Variants in RNF19B observed in about 807,000 individuals in gnomAD.
The protein encoded by RNF19B is E3 ubiquitin-protein ligase RNF19B.
A neutral mutation model predicts 65.5 loss-of-function variants in RNF19B; 23 were observed. The ratio of observed to expected loss-of-function variants is 0.35; its 90% confidence interval spans 0.25 to 0.50. The LOEUF (loss-of-function observed/expected upper bound fraction) is 0.50, where lower values mean the gene tolerates loss of function less well. RNF19B is among the 20% of genes least tolerant of loss of function. The pLI is 0.98. For synonymous variants in RNF19B, 372 were observed against 379.6 expected (o/e 0.98, Z 0.23); for missense variants, 794 against 980.0 (o/e 0.81, Z 2.53).
At chr1:32,963,335 G>A (rs2124197311) in intron 1 of RNF19B, among the ~76,000 whole-genome samples, 1 of 152,176 alleles carries the variant, frequency 6.6e-6, no homozygotes, top group Admixed American at 6.5e-5. Flanking sequence ...CTAGCCAAGT[G>A]GACACACCCC....
At chr1:32,952,920 T>A (rs1182146001) in intron 1 of RNF19B, among the ~76,000 whole-genome samples, 6 of 148,964 alleles carry the variant, frequency 4.0e-5, no homozygotes, top group Non-Finnish European at 6.0e-5. Flanking sequence ...CTAAAAAAAA[T>A]AATAAATAAA....
In RNF19B at chr1:32,936,845, T is replaced by C. The variant is rs1303268604; in HGVS notation, c.2157A>G (p.Gln719=). Residue 719 remains glutamine, a synonymous_variant, in exon 9 of 9, where the codon CAA becomes CAG. Transcript: ENST00000235150. ...HMNLSALAEG[Q]TVLKPEGGEA... is the part of the protein sequence containing the mutation. The stretch of plus-strand genomic sequence containing the variant: ...CTCCACCTTCTGGCTTCAAGACAGT[T>C]TGTCCCTCGGCTAGGGCAGAGAGGT... 3.8e-6 allele frequency: 6 copies of C among 1,591,158 alleles called. No individual in the cohort carries two copies. The East Asian group carries it at 9.0e-5, about 24-fold the overall frequency.
At chr1:32,937,449 T>C (rs1380714840) in intron 8 of RNF19B, 190 bp from the exon 9 acceptor site, 2 of 911,598 alleles carry the variant, frequency 2.2e-6, no homozygotes, top group Non-Finnish European at 3.4e-6. Context: ...TGGTGGCTCA[T>C]GCCTATAACC....
At chr1:32,935,533 T>C (rs986594008), downstream of RNF19B, among the ~76,000 whole-genome samples, 2 of 152,172 alleles carry the variant, frequency 1.3e-5, no homozygotes, top group African/African-American at 4.8e-5. Context: ...GTTCAGAGAT[T>C]TTGAGGGCAT....
chr1:32,938,140 C>CAAAAAAAAAAAAAAAAAAAAAAAAAAAAA (rs80176999), intron 8 of RNF19B, among the ~76,000 whole-genome samples: 3 of 46,034 alleles, frequency 6.5e-5, no homozygotes, highest in African/African-American at 8.5e-5. Context: ...CCAAGAAAGA[C>CAAAAAAAAAAAAAAAAAAAAAAAAAAAAA]AAAAAAAAAA....
chr1:32,949,046 C>A (rs947550644), intron 2 of RNF19B, among the ~76,000 whole-genome samples: 4 of 152,174 alleles, frequency 2.6e-5, no homozygotes, highest in Admixed American at 2.0e-4. Context: ...GCAATAAATC[C>A]ACTGACATTT....
chr1:32,943,634 A>C (rs1642292798), intron 6 of RNF19B, among the ~76,000 whole-genome samples: 1 of 151,956 alleles, frequency 6.6e-6, no homozygotes, highest in African/African-American at 2.4e-5. Context: ...AGAAATTCCC[A>C]TTTAAATGGG....
chr1:32,955,036 C>G (rs571187929), intron 1 of RNF19B, among the ~76,000 whole-genome samples: 38 of 152,092 alleles, frequency 2.5e-4, no homozygotes, highest in Non-Finnish European at 4.1e-4. Context: ...CTAGGCAGCT[C>G]GTTGCCTACT....
chr1:32,942,305 T>C lies in RNF19B; in HGVS notation c.1557A>G (p.Ser519=). 3 of 1,614,040 alleles carry C rather than the reference T, an allele frequency of 1.9e-6. No homozygotes were observed. The highest frequency in any genetic ancestry group is 2.5e-6 in the Non-Finnish European group (3 of 1,179,874). ...GAATGCCGCCACTCAGCGTGCCCCC[T>C]GAGAGGGCTGCAAAGCTGGCCGTTT... ...YSETASFAAL[S]GGTLSGGILS... Residue 519 remains serine (S), a synonymous_variant, in exon 7 of 9, where the codon TCA becomes TCG. Coordinates refer to ENST00000235150, the MANE Select transcript of RNF19B (RefSeq NM_001300826.2).
downstream of RNF19B, among the ~76,000 whole-genome samples, chr1:32,932,958 T>C (rs1642044164): frequency 6.6e-6 from 1 of 152,220 alleles, no homozygotes; most frequent in African/African-American, 2.4e-5. Flanking sequence ...TTCTCTTCCT[T>C]GCTCCATTAA....
At chr1:32,943,851 C>T (rs893895733) in intron 6 of RNF19B, among the ~76,000 whole-genome samples, 168 bp downstream of exon 6, 3 of 152,126 alleles carry the variant, frequency 2.0e-5, no homozygotes, top group African/African-American at 7.2e-5. Flanking sequence ...GGGAATTAAC[C>T]TAATAACTTT....
At chr1:32,956,794 A>G (rs566569623) in intron 1 of RNF19B, among the ~76,000 whole-genome samples, 2 of 152,304 alleles carry the variant, frequency 1.3e-5, no homozygotes, top group African/African-American at 4.8e-5. Context: ...TTCAGTGGTT[A>G]AAGAAATGTG....
At chr1:32,963,647 G>A (rs1223935648) in intron 1 of RNF19B, among the ~76,000 whole-genome samples, 1 of 151,830 alleles carries the variant, frequency 6.6e-6, no homozygotes, top group Non-Finnish European at 1.5e-5. Context: ...GAACCTGAGA[G>A]GCGGAGGTTG....
At position 32,944,007 on chromosome 1, in the gene RNF19B, C is replaced by T. The variant is rs775493887; in HGVS notation, c.1402+12G>A. On this transcript the variant is annotated intron_variant, in intron 6 of 8. Coordinates refer to ENST00000235150, the MANE Select transcript of RNF19B (RefSeq NM_001300826.2). Reference sequence around the variant, plus strand: ...CATAAATTCAAATGGAAATAAACATCCTGCTTTTTACCTGTGATTGGACCA... The same window carrying T: ...CATAAATTCAAATGGAAATAAACATTCTGCTTTTTACCTGTGATTGGACCA... 1 of 1,593,402 alleles carries T rather than the reference C, an allele frequency of 6.3e-7. No individual in the cohort carries two copies. The highest frequency in any genetic ancestry group is 8.6e-7 in the Non-Finnish European group (1 of 1,167,026).
At chr1:32,937,333 G>A in intron 8 of RNF19B, 74 bp from the exon 9 acceptor site, 1 of 1,604,746 alleles carries the variant, frequency 6.2e-7, no homozygotes, top group Non-Finnish European at 8.5e-7. Context: ...CAGTTCATGG[G>A]TTCAGGATTA....
At chr1:32,950,554 T>TC (rs1491105296) in intron 1 of RNF19B, among the ~76,000 whole-genome samples, 3 of 151,804 alleles carry the variant, frequency 2.0e-5, no homozygotes, top group African/African-American at 7.3e-5. Context: ...TTTAATTCCT[T>TC]CTTTTTTTTT....
chr1:32,937,237 G>C lies in RNF19B; in HGVS notation c.1765C>G (p.Gln589Glu), dbSNP rs768632738. The change falls in exon 9 of 9, where the codon CAA becomes GAA. Residue 589 changes from glutamine (Q) to glutamate (E), a missense_variant. Around this residue, in one of 3 missense-constraint regions of RNF19B, gnomAD observed 368 missense variants for 447.3 expected, o/e 0.82. Coordinates refer to ENST00000235150, the MANE Select transcript of RNF19B (RefSeq NM_001300826.2). ...QDRECNNMEI[Q>E]VDIEAKPSHY... is the part of the protein sequence containing the mutation. ...CTTGGTTTGGCTTCAATGTCCACTTGGATTTCCATATTGTTGCATTCTCTG... is the reference window on the plus strand; with the variant it reads ...CTTGGTTTGGCTTCAATGTCCACTTCGATTTCCATATTGTTGCATTCTCTG... The C allele has an allele frequency of 4.5e-5, 73 of 1,613,870 alleles. No homozygotes were observed. Among genetic ancestry groups the C allele is most frequent in the Non-Finnish European group, 6.1e-5 (72 of 1,180,020 alleles).
chr1:32,933,252 T>G (rs1046237965), downstream of RNF19B, among the ~76,000 whole-genome samples: 1 of 137,610 alleles, frequency 7.3e-6, no homozygotes, highest in Admixed American at 8.0e-5. Flanking sequence ...TAAGCTATTA[T>G]TATTATTTTT....
intron 3 of RNF19B, among the ~76,000 whole-genome samples, chr1:32,947,946 A>G (rs1642406637): frequency 6.6e-6 from 1 of 152,192 alleles, no homozygotes; most frequent in Non-Finnish European, 1.5e-5. Context: ...AGGTAGGCAG[A>G]AAGCATTCTA....
Sources: allele counts gnomAD v4.1 joint callset (sites outside exome capture counted in the v4.1 genomes callset), GRCh38; gene constraint gnomAD v4.1.1; regional missense constraint gnomAD v4.1.1; transcripts MANE v1.5; gene names NCBI Gene and HGNC (gene_info 2026-07-23, HGNC 2026-07-21).